The following SEZ6L variants were observed in gnomAD, a reference collection of about 807,000 sequenced individuals.
SEZ6L encodes the protein seizure related 6 homolog like, also known as seizure 6-like protein.
A neutral mutation model predicts 106.2 loss-of-function variants in SEZ6L; 37 were observed. The observed-to-expected ratio is 0.35, with a 90% CI of 0.27 to 0.46. SEZ6L has a LOEUF of 0.46. SEZ6L is among the 20% of genes least tolerant of loss of function. SEZ6L has a pLI of 1.00. For synonymous variants in SEZ6L, 541 were observed against 570.4 expected (o/e 0.95, Z 0.73); for missense variants, 1,172 against 1,332.8 (o/e 0.88, Z 1.88).
At chr22:26,208,855 T>A (rs1941447240) in intron 1 of SEZ6L, among the ~76,000 whole-genome samples, 1 of 17,154 alleles carries the variant, frequency 5.8e-5, no homozygotes. Flanking sequence ...TCTCTCTGTG[T>A]GTGTGTGTGT....
At position 26,347,779 on chromosome 22, in the gene SEZ6L, C is replaced by T. The variant is rs375559047; in HGVS notation, c.2273C>T (p.Thr758Ile). ...LPEIQNGWKT[T>I]SHTELVRGAR... ...GAGATCCAGAATGGCTGGAAAACCA[C>T]TTCTCACACGGAGTTGGTGCGGGGA... The change falls in exon 11 of 17, where the codon ACT (threonine) becomes ATT (isoleucine). Residue 758 changes from threonine (T) to isoleucine (I), a missense_variant. Thr to Ile is a moderately conservative substitution (Grantham distance 89, BLOSUM62 -1). Around this residue, in one of 4 missense-constraint regions of SEZ6L, gnomAD observed 534 missense variants for 691.0 expected, o/e 0.77. Coordinates refer to ENST00000248933, the MANE Select transcript of SEZ6L (RefSeq NM_021115.5). 1.1e-5 allele frequency: 17 copies of T among 1,610,194 alleles called. No individual in the cohort carries two copies. In the African/African-American group the frequency reaches 2.0e-4, roughly 19 times the overall value.
chr22:26,353,470 A>G lies in SEZ6L; in HGVS notation c.2599+2227A>G, dbSNP rs564731357. On this transcript the variant is annotated intron_variant, in intron 12 of 16. Transcript: ENST00000248933. ...TAAGACACATTTCTAGACACTATATATATGTGAATCTATGCATATGTGTGT... is the reference window on the plus strand; with the variant it reads ...TAAGACACATTTCTAGACACTATATGTATGTGAATCTATGCATATGTGTGT... 2.8e-4 allele frequency among the ~76,000 whole-genome samples: 43 copies of G among 152,330 alleles called. 2 individuals are homozygous for G. In the South Asian group the frequency reaches 3.3e-3, roughly 12 times the overall value.
intron 1 of SEZ6L, among the ~76,000 whole-genome samples, chr22:26,215,981 C>T (rs1032131392): frequency 6.6e-6 from 1 of 152,214 alleles, no homozygotes; most frequent in African/African-American, 2.4e-5. Context: ...GTCCCGGATG[C>T]TCCTTATTGC....
At chr22:26,256,050 T>C (rs947043450) in intron 1 of SEZ6L, among the ~76,000 whole-genome samples, 3 of 152,202 alleles carry the variant, frequency 2.0e-5, no homozygotes, top group Non-Finnish European at 4.4e-5. Context: ...GAGAGTTCTA[T>C]GTACAAAAAC....
At chr22:26,226,523 T>C (rs998729412) in intron 1 of SEZ6L, among the ~76,000 whole-genome samples, 1 of 152,250 alleles carries the variant, frequency 6.6e-6, no homozygotes, top group African/African-American at 2.4e-5. Context: ...TTTCCTTCAG[T>C]GCCCTTATCT....
chr22:26,236,071 C>A (rs2078949694), intron 1 of SEZ6L, among the ~76,000 whole-genome samples: 1 of 152,242 alleles, frequency 6.6e-6, no homozygotes, highest in Non-Finnish European at 1.5e-5. Context: ...TTGAAATCTG[C>A]ATCTCAGGCT....
At chr22:26,266,388 G>A (rs1352684842) in intron 1 of SEZ6L, among the ~76,000 whole-genome samples, 7 of 146,556 alleles carry the variant, frequency 4.8e-5, no homozygotes, top group African/African-American at 1.8e-4. Context: ...GTGAAACCCC[G>A]TCTCTACTAA....
In SEZ6L at chr22:26,292,447, C is replaced by T. The variant is rs140163670; in HGVS notation, c.136C>T (p.Leu46Phe). 4 of 1,613,888 alleles carry T rather than the reference C, an allele frequency of 2.5e-6. No homozygotes were observed. The highest frequency in any genetic ancestry group is 1.1e-5 in the South Asian group (1 of 91,014). Residue 46 changes from leucine to phenylalanine, a missense_variant, in exon 2 of 17, where the codon CTC becomes TTC. Coordinates refer to ENST00000248933, the MANE Select transcript of SEZ6L (RefSeq NM_021115.5). ...AGATGCTAGCCCTTTGGGTCCTTAC[C>T]TCCTGCCCTCAGGAGCCCCGGAGAG... ...EGDASPLGPYLLPSGAPERGS... is the reference protein window; with the variant it reads ...EGDASPLGPYFLPSGAPERGS...
chr22:26,358,838 G>A (rs117377581), intron 12 of SEZ6L, among the ~76,000 whole-genome samples: 64 of 152,280 alleles, frequency 4.2e-4, no homozygotes, highest in Non-Finnish European at 7.8e-4. Context: ...GGTGCTACCG[G>A]CTTCTAGCAG....
At chr22:26,272,926 T>C (rs1424445484) in intron 1 of SEZ6L, among the ~76,000 whole-genome samples, 1 of 152,164 alleles carries the variant, frequency 6.6e-6, no homozygotes, top group Non-Finnish European at 1.5e-5. Context: ...ATTTTCCCCA[T>C]CTGCAAAATG....
At chr22:26,326,638 C>A (rs1484141029) in intron 9 of SEZ6L, among the ~76,000 whole-genome samples, 1 of 152,190 alleles carries the variant, frequency 6.6e-6, no homozygotes. Flanking sequence ...CAGCCTCACA[C>A]CCCTCATCAC....
At chr22:26,305,879 C>G in intron 5 of SEZ6L, 100 bp from the exon 6 acceptor site, 65 of 1,250,694 alleles carry the variant, frequency 5.2e-5, no homozygotes, top group Non-Finnish European at 6.8e-5. Context: ...GAATGAAACA[C>G]TCACTTCCTT....
intron 1 of SEZ6L, among the ~76,000 whole-genome samples, chr22:26,271,910 T>G (rs867481970): frequency 6.6e-6 from 1 of 152,240 alleles, no homozygotes; most frequent in African/African-American, 2.4e-5. Flanking sequence ...ATATTGCCCA[T>G]CAGCACTAAA....
chr22:26,278,016 A>C (rs79224994), intron 1 of SEZ6L, among the ~76,000 whole-genome samples: 13 of 152,288 alleles, frequency 8.5e-5, no homozygotes, highest in African/African-American at 3.1e-4. Flanking sequence ...GCATTGATTG[A>C]TTGAACTCAG....
At chr22:26,348,995 CATT>C (rs1249580141) in intron 11 of SEZ6L, among the ~76,000 whole-genome samples, 1 of 151,768 alleles carries the variant, frequency 6.6e-6, no homozygotes, top group African/African-American at 2.4e-5. Flanking sequence ...AGGGAAAAAT[CATT>C]ATTATTTAAC....
intron 1 of SEZ6L, among the ~76,000 whole-genome samples, chr22:26,178,811 TG>T (rs1939198182): frequency 6.6e-6 from 1 of 151,566 alleles, no homozygotes; most frequent in East Asian, 1.9e-4. Flanking sequence ...ATGATGGGAG[TG>T]GGTGGTAGTG....
rs267606204 is a variant in SEZ6L, at chr22:26,292,891, C to T, written c.580C>T (p.Pro194Ser). Residue 194 changes from proline (P) to serine (S), a missense_variant, in exon 2 of 17, where the codon CCT (proline) becomes TCT (serine). Around this residue, in one of 4 missense-constraint regions of SEZ6L, gnomAD observed 494 missense variants for 445.8 expected, o/e 1.11. Coordinates refer to ENST00000248933, the MANE Select transcript of SEZ6L (RefSeq NM_021115.5). ...LWLDRKESAV[P>S]TTPAPLQISP... ...GCTGGACCGAAAGGAGAGTGCGGTCCCTACAACACCCGCACCCCTGCAAAT... is the reference window on the plus strand; with the variant it reads ...GCTGGACCGAAAGGAGAGTGCGGTCTCTACAACACCCGCACCCCTGCAAAT... 1 of 1,614,162 alleles carries T rather than the reference C, an allele frequency of 6.2e-7. No homozygotes were observed. The highest frequency in any genetic ancestry group is 8.5e-7 in the Non-Finnish European group (1 of 1,180,008).
At chr22:26,332,150 T>TG (rs1491012129) in intron 9 of SEZ6L, among the ~76,000 whole-genome samples, 1 of 60,634 alleles carries the variant, frequency 1.6e-5, no homozygotes, top group African/African-American at 4.4e-5. Context: ...TTTCAATGTT[T>TG]TTTTTTTTTT....
At chr22:26,172,318 G>A (rs1206421459) in intron 1 of SEZ6L, among the ~76,000 whole-genome samples, 3 of 152,086 alleles carry the variant, frequency 2.0e-5, no homozygotes, top group African/African-American at 4.8e-5. Context: ...AGTTTTGCCC[G>A]TTCCTGCCAG....
Sources: gnomAD v4.1 joint callset for allele counts (sites outside exome capture counted in the v4.1 genomes callset) on GRCh38, gnomAD v4.1.1 for gene constraint, gnomAD v4.1.1 regional missense constraint, MANE v1.5 for transcripts, NCBI Gene and HGNC (gene_info 2026-07-23, HGNC 2026-07-21) for gene names.